Variants in DPYD observed in about 807,000 individuals in gnomAD.
DPYD encodes the protein dihydropyrimidine dehydrogenase [NADP(+)].
DPYD carries 109 observed loss-of-function variants against 116.2 expected under a neutral mutation model. The observed-to-expected ratio is 0.94, with a 90% CI of 0.80 to 1.10. The LOEUF (loss-of-function observed/expected upper bound fraction) is 1.10. DPYD is among the 50% of genes least tolerant of loss of function. The pLI is 0.00. For synonymous variants in DPYD, 440 were observed against 432.0 expected, an observed-to-expected ratio of 1.02 and a Z score of -0.23; for missense variants, 1,302 against 1,254.5, an observed-to-expected ratio of 1.04 and a Z score of -0.57.
intron 14 of DPYD, among the ~76,000 whole-genome samples, chr1:97,397,074 T>C (rs1673049897): frequency 6.6e-6 from 1 of 152,076 alleles, no homozygotes; most frequent in Admixed American, 6.6e-5. Flanking sequence ...CAGGATTGCC[T>C]AGCACCTAAT....
intron 2 of DPYD, among the ~76,000 whole-genome samples, chr1:97,878,292 C>T (rs957414796): frequency 6.6e-6 from 1 of 151,884 alleles, no homozygotes; most frequent in Non-Finnish European, 1.5e-5. Context: ...CAGTGCCTCA[C>T]TTGCCTCACT....
intron 2 of DPYD, among the ~76,000 whole-genome samples, chr1:97,831,597 C>CA (rs1669539751): frequency 1.3e-5 from 2 of 151,942 alleles, no homozygotes; most frequent in African/African-American, 2.4e-5. Context: ...CATAAAAATT[C>CA]AAAAAAATTA....
At chr1:97,697,125 G>A (rs1321753482) in intron 6 of DPYD, among the ~76,000 whole-genome samples, 1 of 151,994 alleles carries the variant, frequency 6.6e-6, no homozygotes, top group Non-Finnish European at 1.5e-5. Context: ...TTAAACTCGT[G>A]TCCTAAAAAC....
intron 13 of DPYD, among the ~76,000 whole-genome samples, chr1:97,487,636 G>A (rs1231926332): frequency 6.6e-6 from 1 of 152,126 alleles, no homozygotes; most frequent in Non-Finnish European, 1.5e-5. Flanking sequence ...TTGCACCACT[G>A]CACTCCAGCC....
intron 20 of DPYD, among the ~76,000 whole-genome samples, chr1:97,100,353 G>A (rs1167918546): frequency 6.6e-6 from 1 of 151,982 alleles, no homozygotes; most frequent in Non-Finnish European, 1.5e-5. Flanking sequence ...ATAAGGTGGC[G>A]AGCACACGTC....
At chr1:97,606,538 G>T (rs1353502446) in intron 8 of DPYD, among the ~76,000 whole-genome samples, 1 of 151,912 alleles carries the variant, frequency 6.6e-6, no homozygotes, top group Non-Finnish European at 1.5e-5. Context: ...TGGGGTATGA[G>T]TTCAATCTGA....
intron 14 of DPYD, among the ~76,000 whole-genome samples, chr1:97,389,012 G>C (rs573429246): frequency 1.3e-5 from 2 of 152,160 alleles, no homozygotes; most frequent in African/African-American, 4.8e-5. Context: ...TTCTAAATTC[G>C]ATGTGGAAAA....
intron 1 of DPYD, among the ~76,000 whole-genome samples, chr1:97,905,849 T>G (rs1673588448): frequency 6.6e-6 from 1 of 152,106 alleles, no homozygotes; most frequent in Non-Finnish European, 1.5e-5. Context: ...TCATGTATTT[T>G]AATGTCTGAA....
chr1:97,613,664 A>T (rs1465306517), intron 8 of DPYD, among the ~76,000 whole-genome samples: 5 of 152,050 alleles, frequency 3.3e-5, no homozygotes, highest in Non-Finnish European at 5.9e-5. Context: ...TAGAGCATGA[A>T]TATAGCGTTT....
At chr1:97,164,862 C>A (rs563947768) in intron 20 of DPYD, among the ~76,000 whole-genome samples, 2 of 148,490 alleles carry the variant, frequency 1.3e-5, no homozygotes, top group Non-Finnish European at 3.0e-5. Context: ...AAACAACGTA[C>A]AGATTCTTTT....
chr1:97,202,397 C>T (rs372052788), intron 19 of DPYD, among the ~76,000 whole-genome samples: 1 of 151,992 alleles, frequency 6.6e-6, no homozygotes, highest in South Asian at 2.1e-4. Context: ...CTTTATGTAG[C>T]CTGAAAGTCT....
At chr1:97,706,543 A>G (rs912322059) in intron 5 of DPYD, among the ~76,000 whole-genome samples, 3 of 152,048 alleles carry the variant, frequency 2.0e-5, no homozygotes. Flanking sequence ...CCTTCTCCCC[A>G]GCAATCACTG....
Position 97,515,952 on chromosome 1 carries a change from C to T in DPYD, c.1525-11G>A, listed in dbSNP as rs55699321. 1,637 of 1,610,130 alleles carry T rather than the reference C, an allele frequency of 1.0e-3. 42 individuals carry two copies. In the East Asian group the frequency reaches 0.034, roughly 33 times the overall value. On this transcript the variant is annotated splice_polypyrimidine_tract_variant and intron_variant, in intron 12 of 22. Coordinates refer to ENST00000370192, the MANE Select transcript of DPYD (RefSeq NM_000110.4). ...AGCTCCATATTGTGACTGCAAAATA[C>T]AAACCAATACTTGGTTTCATATTAC...
At chr1:97,295,869 G>A (rs146324245) in intron 18 of DPYD, 10 of 437,654 alleles carry the variant, frequency 2.3e-5, no homozygotes, top group Non-Finnish European at 3.0e-5. Context: ...TTCTCACAGA[G>A]TATACACACA....
chr1:97,602,400 G>A (rs1655307611), intron 8 of DPYD, among the ~76,000 whole-genome samples: 1 of 151,866 alleles, frequency 6.6e-6, no homozygotes, highest in African/African-American at 2.4e-5. Flanking sequence ...GGTGAGAAAG[G>A]ATGTGAACAT....
chr1:97,820,869 C>T (rs1668889249), intron 3 of DPYD, among the ~76,000 whole-genome samples: 1 of 152,068 alleles, frequency 6.6e-6, no homozygotes, highest in South Asian at 2.1e-4. Flanking sequence ...TATTAACAAT[C>T]TATATTTTAT....
rs59090402 is a variant in DPYD at position 97,469,397 on chromosome 1, C to CAAAAAAAAAAAAAAAAAAAAAAAAAAAAA, written c.1741-19203_1741-19175dup. Among the ~76,000 whole-genome samples, 54 of 80,806 alleles carry CAAAAAAAAAAAAAAAAAAAAAAAAAAAAA rather than the reference C, an allele frequency of 6.7e-4. 3 individuals are homozygous for CAAAAAAAAAAAAAAAAAAAAAAAAAAAAA. Among genetic ancestry groups the CAAAAAAAAAAAAAAAAAAAAAAAAAAAAA allele is most frequent in the African/African-American group, 1.0e-3 (19 of 18,472 alleles). 53.0% of individuals were successfully genotyped at this position (80,806 alleles called of 152,430 possible). A position where few individuals can be genotyped will look rare whatever the true frequency, so the allele number is the denominator to read the frequency against. On this transcript the variant is annotated intron_variant, in intron 13 of 22. Coordinates refer to ENST00000370192, the MANE Select transcript of DPYD (RefSeq NM_000110.4). ...ATAGCTCTAAGGGAAGCTAAAATTG[C>CAAAAAAAAAAAAAAAAAAAAAAAAAAAAA]AAAAAAAAAAAAAAAAAAAAAAAAA... is the stretch of plus-strand genomic sequence containing the variant.
chr1:97,673,714 CAG>C (rs1659994440), intron 8 of DPYD, among the ~76,000 whole-genome samples: 1 of 151,952 alleles, frequency 6.6e-6, no homozygotes, highest in Non-Finnish European at 1.5e-5. Flanking sequence ...AGCAGGAACA[CAG>C]AGTTTGTGTG....
chr1:97,177,566 CTT>C (rs77118571), intron 20 of DPYD, among the ~76,000 whole-genome samples: 44 of 135,058 alleles, frequency 3.3e-4, no homozygotes, highest in East Asian at 2.2e-3. Flanking sequence ...TTCTTTCTTT[CTT>C]TTTTTTTTTT....
Sources: allele counts gnomAD v4.1 joint callset (sites outside exome capture counted in the v4.1 genomes callset), GRCh38; gene constraint gnomAD v4.1.1; transcripts MANE v1.5; gene names NCBI Gene and HGNC (gene_info 2026-07-23, HGNC 2026-07-21).